Variants in FECH observed in about 807,000 individuals in gnomAD.
FECH encodes ferrochelatase, also known as ferrochelatase, mitochondrial.
Under a neutral mutation model 56.9 loss-of-function variants are expected in FECH, and 40 were observed. That is an observed-to-expected ratio of 0.70 (90% CI 0.55 to 0.92). FECH has a LOEUF of 0.92. Among genes scored for constraint, FECH ranks in the 40% least tolerant of loss-of-function variants. The probability of loss-of-function intolerance (pLI) is 0.00; values close to 1 mark genes in which losing one functional copy is unlikely to be tolerated. For synonymous variants in FECH, 175 were observed against 198.6 expected (o/e 0.88, Z 1.00); for missense variants, 431 against 529.1 (o/e 0.81, Z 1.82).
chr18:57,571,735 C>T (rs2051114203), intron 3 of FECH, 195 bp from the exon 4 acceptor site: 2 of 680,686 alleles, frequency 2.9e-6, no homozygotes, highest in South Asian at 3.9e-5. Context: ...GCTATACCCT[C>T]TCTGAGGAAT....
chr18:57,556,437 G>C lies in FECH; in HGVS notation c.805-1485C>G, dbSNP rs577125801. On this transcript the variant is annotated intron_variant, in intron 7 of 10. Coordinates refer to ENST00000262093, the MANE Select transcript of FECH (RefSeq NM_000140.5). ...CAAGTGGCCAGGGATCACATCACCAGTAGAAAAGCACGCTGGCATCACAGA... is the reference window on the plus strand; with the variant it reads ...CAAGTGGCCAGGGATCACATCACCACTAGAAAAGCACGCTGGCATCACAGA... 3.5e-4 allele frequency among the ~76,000 whole-genome samples: 53 copies of C among 152,302 alleles called. No homozygotes were observed. In the East Asian group the frequency reaches 8.9e-3, roughly 26 times the overall value.
intron 1 of FECH, among the ~76,000 whole-genome samples, chr18:57,583,091 G>A (rs887509944): frequency 7.9e-5 from 12 of 152,056 alleles, no homozygotes; most frequent in East Asian, 1.9e-4. Flanking sequence ...GAATGATGTC[G>A]CTGCCAAGGG....
chr18:57,586,284 A>G (rs2122385234), intron 1 of FECH, among the ~76,000 whole-genome samples: 1 of 152,318 alleles, frequency 6.6e-6, no homozygotes, highest in South Asian at 2.1e-4. Context: ...GCTCTGGGAA[A>G]TTCCAGCCAC....
chr18:57,559,366 T>C, intron 6 of FECH, 123 bp from the exon 7 acceptor site: 2 of 704,550 alleles, frequency 2.8e-6, no homozygotes, highest in East Asian at 2.8e-5. Flanking sequence ...AAATCCGAAC[T>C]CTCTTTTTTA....
chr18:57,546,698 C>T lies in FECH; in HGVS notation c.*4014G>A, dbSNP rs1267376197. ...TGAGTAGGCCGGGGATGGTGGCTCA[C>T]GCCTGTAATCCCAACACTTTCAGAG... On this transcript the variant is annotated 3_prime_UTR_variant, in exon 11 of 11. Coordinates refer to ENST00000262093, the MANE Select transcript of FECH (RefSeq NM_000140.5). Among the ~76,000 whole-genome samples the T allele has an allele frequency of 6.6e-6, 1 of 152,074 alleles. No homozygotes were observed.
intron 6 of FECH, 89 bp from the exon 7 acceptor site, chr18:57,559,332 C>A (rs2050910931): frequency 1.0e-6 from 1 of 952,562 alleles, no homozygotes; most frequent in African/African-American, 1.6e-5. Flanking sequence ...AAGCCTACAC[C>A]AAAAATCTCA....
chr18:57,575,664 A>G (rs2051175283), intron 2 of FECH, among the ~76,000 whole-genome samples: 1 of 152,160 alleles, frequency 6.6e-6, no homozygotes, highest in Non-Finnish European at 1.5e-5. Context: ...ACTGGTCTCA[A>G]ACTCCTGGCT....
chr18:57,553,980 C>T lies in FECH; in HGVS notation c.1077+280G>A, dbSNP rs542417387. ...AAAGAAATATAGTTGTTATTACTTT[C>T]GAGTAGCCCAGTAACTCAAACTAAA... On this transcript the variant is annotated intron_variant, in intron 9 of 10. Coordinates refer to ENST00000262093, the MANE Select transcript of FECH (RefSeq NM_000140.5). Among the ~76,000 whole-genome samples the T allele has an allele frequency of 3.5e-4, 54 of 152,266 alleles. 1 individual carries two copies. The South Asian group carries it at 8.7e-3, about 25-fold the overall frequency.
At chr18:57,552,870 T>G (rs192552006) in intron 9 of FECH, among the ~76,000 whole-genome samples, 1 of 152,140 alleles carries the variant, frequency 6.6e-6, no homozygotes, top group Admixed American at 6.5e-5. Flanking sequence ...TCTCCAACAA[T>G]GTTGATGGGA....
rs188186132 is a variant in FECH, at chr18:57,562,576, T to C, written c.705+298A>G. Among the ~76,000 whole-genome samples the C allele has an allele frequency of 5.3e-5, 8 of 152,320 alleles. No individual in the cohort carries two copies. In the East Asian group the frequency reaches 1.5e-3, roughly 29 times the overall value. On this transcript the variant is annotated intron_variant, in intron 6 of 10. Coordinates refer to ENST00000262093, the MANE Select transcript of FECH (RefSeq NM_000140.5). ...CAAATGTAAGTTAGCTGAAACACCA[T>C]GCACAATCTTTAATGCTCTTCTGGT...
chr18:57,582,218 T>C (rs2051291554), intron 1 of FECH, among the ~76,000 whole-genome samples: 1 of 152,098 alleles, frequency 6.6e-6, no homozygotes. Flanking sequence ...AAGTTTAGCA[T>C]CCCAAATGTG....
chr18:57,546,480 G>A lies in FECH; in HGVS notation c.*4232C>T, dbSNP rs1464043216. On this transcript the variant is annotated 3_prime_UTR_variant, in exon 11 of 11. Transcript: ENST00000262093. ...GCAGCCTAATCTCTCACCCTTTGTG[G>A]GTAATAATAATATACTTTGGATAAG... Among the ~76,000 whole-genome samples, 4 of 152,096 alleles carry A rather than the reference G, an allele frequency of 2.6e-5. No individual in the cohort carries two copies. The highest frequency in any genetic ancestry group is 5.9e-5 in the Non-Finnish European group (4 of 68,032).
rs1454710485 is a variant in FECH, at chr18:57,547,516, G to A, written c.*3196C>T. On this transcript the variant is annotated 3_prime_UTR_variant, in exon 11 of 11. Coordinates refer to ENST00000262093, the MANE Select transcript of FECH (RefSeq NM_000140.5). ...TTTGCTTGCTCTCACTCACTGCCAT[G>A]TAAGACATCTGCTTCCCCTTCTGCC... is the stretch of plus-strand genomic sequence containing the variant. Among the ~76,000 whole-genome samples, 1 of 152,170 alleles carries A rather than the reference G, an allele frequency of 6.6e-6. No homozygotes were observed. The highest frequency in any genetic ancestry group is 1.9e-4 in the East Asian group (1 of 5,186).
rs2050712989 is a variant in FECH at position 57,545,795 on chromosome 18, C to T, written c.*4917G>A. ...AAGATCAGATAATAGCCGTATTGCA[C>T]AAGTGTCTAGCTGGAGAAAATTGAC... is the stretch of plus-strand genomic sequence containing the variant. On this transcript the variant is annotated 3_prime_UTR_variant, in exon 11 of 11. Transcript: ENST00000262093. Among the ~76,000 whole-genome samples, 1 of 151,846 alleles carries T rather than the reference C, an allele frequency of 6.6e-6. No homozygotes were observed. Among genetic ancestry groups the T allele is most frequent in the African/African-American group, 2.4e-5 (1 of 41,370 alleles).
chr18:57,578,456 GAA>G (rs1162007173), intron 2 of FECH, among the ~76,000 whole-genome samples: 1 of 152,154 alleles, frequency 6.6e-6, no homozygotes, highest in Non-Finnish European at 1.5e-5. Flanking sequence ...AGAACTGCTG[GAA>G]GCCAAGAGTT....
At chr18:57,562,370 A>C (rs995921662) in intron 6 of FECH, among the ~76,000 whole-genome samples, 1 of 152,232 alleles carries the variant, frequency 6.6e-6, no homozygotes, top group Non-Finnish European at 1.5e-5. Context: ...TATAAATATA[A>C]ATTGCATAGA....
chr18:57,575,969 T>C (rs2051180332), intron 2 of FECH, among the ~76,000 whole-genome samples: 1 of 152,214 alleles, frequency 6.6e-6, no homozygotes, highest in Non-Finnish European at 1.5e-5. Context: ...GACCCCATTA[T>C]AAAGATTAAC....
rs889289335 is a variant in FECH, at chr18:57,546,473, C to T, written c.*4239G>A. 1.3e-5 allele frequency among the ~76,000 whole-genome samples: 2 copies of T among 152,180 alleles called. No individual in the cohort carries two copies. The highest frequency in any genetic ancestry group is 1.5e-5 in the Non-Finnish European group (1 of 68,046). On this transcript the variant is annotated 3_prime_UTR_variant, in exon 11 of 11. Transcript: ENST00000262093. ...TATGGCTGCAGCCTAATCTCTCACC[C>T]TTTGTGGGTAATAATAATATACTTT...
Position 57,545,735 on chromosome 18 carries a change from C to A in FECH, c.*4977G>T, listed in dbSNP as rs576020604. Among the ~76,000 whole-genome samples, 3 of 152,064 alleles carry A rather than the reference C, an allele frequency of 2.0e-5. No homozygotes were observed. The highest frequency in any genetic ancestry group is 2.0e-4 in the Admixed American group (3 of 15,284). ...TACACACTTTATATTTTGCAAAATA[C>A]GTGCATATGGAAAAGAAGCACAACA... On this transcript the variant is annotated 3_prime_UTR_variant, in exon 11 of 11. Transcript: ENST00000262093.
Sources: gnomAD v4.1 joint callset for allele counts (sites outside exome capture counted in the v4.1 genomes callset) on GRCh38, gnomAD v4.1.1 for gene constraint, MANE v1.5 for transcripts, NCBI Gene and HGNC (gene_info 2026-07-23, HGNC 2026-07-21) for gene names.